The following PKIA variants were observed in gnomAD, a reference collection of about 807,000 sequenced individuals.
PKIA encodes PKI-alpha.
A neutral mutation model predicts 7.6 loss-of-function variants in PKIA; 4 were observed. That is an observed-to-expected ratio of 0.52 (90% CI 0.26 to 1.20). PKIA has a LOEUF of 1.20. Ranked by LOEUF, PKIA falls within the 50% of genes most tolerant of loss-of-function variation. PKIA has a pLI of 0.13. For missense variants in PKIA, 73 were observed against 86.2 expected, an observed-to-expected ratio of 0.85 and a Z score of 0.61; for synonymous variants, 21 against 30.7, an observed-to-expected ratio of 0.68 and a Z score of 1.04.
chr8:78,534,455 TAGA>T (rs1298910410), intron 1 of PKIA: 2 of 152,156 alleles, frequency 1.3e-5, no homozygotes, highest in African/African-American at 4.8e-5. Context: ...TTTGAGAATT[TAGA>T]AGTTTTTTCA....
chr8:78,521,900 C>A (rs1809424204), intron 1 of PKIA, among the ~76,000 whole-genome samples: 1 of 151,886 alleles, frequency 6.6e-6, no homozygotes, highest in African/African-American at 2.4e-5. Context: ...CTATTCTACT[C>A]TCTGTGCCTA....
intron 2 of PKIA, among the ~76,000 whole-genome samples, chr8:78,593,614 A>C (rs948229572): frequency 2.0e-5 from 3 of 152,250 alleles, no homozygotes; most frequent in Admixed American, 6.5e-5. Context: ...ATGGTAATGC[A>C]TATAATGAAA....
intron 3 of PKIA, among the ~76,000 whole-genome samples, chr8:78,599,632 T>G (rs924132050): frequency 2.0e-5 from 3 of 152,050 alleles, no homozygotes; most frequent in Non-Finnish European, 2.9e-5. Flanking sequence ...TAGGTTTCAT[T>G]GTTGTGCTGT....
chr8:78,551,483 CTT>C (rs982029432), intron 1 of PKIA, among the ~76,000 whole-genome samples: 5 of 152,012 alleles, frequency 3.3e-5, no homozygotes, highest in African/African-American at 1.2e-4. Context: ...AGCCATTAGA[CTT>C]TGTTGCTGTA....
At chr8:78,569,606 C>T (rs1006176025) in intron 1 of PKIA, among the ~76,000 whole-genome samples, 1 of 151,814 alleles carries the variant, frequency 6.6e-6, no homozygotes, top group African/African-American at 2.4e-5. Context: ...TGAAAACTAC[C>T]AATTATACCA....
chr8:78,556,272 C>A (rs1014042076), intron 1 of PKIA, among the ~76,000 whole-genome samples: 1 of 152,018 alleles, frequency 6.6e-6, no homozygotes, highest in Non-Finnish European at 1.5e-5. Flanking sequence ...ACAGTCAGAT[C>A]ATTCTTGTTA....
intron 1 of PKIA, among the ~76,000 whole-genome samples, chr8:78,529,989 G>T (rs1806354472): frequency 6.6e-6 from 1 of 151,968 alleles, no homozygotes; most frequent in Non-Finnish European, 1.5e-5. Flanking sequence ...ATTGCTGAGA[G>T]TGTGGTTGAA....
chr8:78,594,435 G>T (rs541453439), intron 2 of PKIA, among the ~76,000 whole-genome samples: 4 of 152,146 alleles, frequency 2.6e-5, no homozygotes, highest in African/African-American at 9.6e-5. Context: ...AATTCAGAAT[G>T]TGTTCTATAG....
intron 2 of PKIA, among the ~76,000 whole-genome samples, chr8:78,579,687 A>G (rs1481508116): frequency 6.6e-6 from 1 of 152,118 alleles, no homozygotes; most frequent in Non-Finnish European, 1.5e-5. Flanking sequence ...CAAAAGTGAT[A>G]GAGCAAAGGT....
rs181825364 is a variant in PKIA at position 78,587,384 on chromosome 8, C to G, written c.-27-10974C>G. Among the ~76,000 whole-genome samples, 6 of 152,286 alleles carry G rather than the reference C, an allele frequency of 3.9e-5. No individual in the cohort carries two copies. In the East Asian group the frequency reaches 1.2e-3, roughly 29 times the overall value. ...CCTGGTCCCCTCTCTGACGTCAGTA[C>G]TGCTGCTGACTGGGTAAGACATTGG... On this transcript the variant is annotated intron_variant, in intron 2 of 3. Coordinates refer to ENST00000396418, the MANE Select transcript of PKIA (RefSeq NM_006823.4).
chr8:78,570,813 T>C (rs1019909027), intron 1 of PKIA, among the ~76,000 whole-genome samples: 6 of 152,156 alleles, frequency 3.9e-5, no homozygotes, highest in Non-Finnish European at 7.4e-5. Flanking sequence ...ATTCTTTTTC[T>C]TTCTACTGTG....
chr8:78,604,234 C>A lies in PKIA; in HGVS notation c.*2413C>A, dbSNP rs1808421287. ...AACTATTCTTACGCTAATGGCTTTGCAGCTCCTATTCTCCCATTTGATCCT... is the reference window on the plus strand; with the variant it reads ...AACTATTCTTACGCTAATGGCTTTGAAGCTCCTATTCTCCCATTTGATCCT... On this transcript the variant is annotated 3_prime_UTR_variant, in exon 4 of 4. Coordinates refer to ENST00000396418, the MANE Select transcript of PKIA (RefSeq NM_006823.4). 1 of 152,098 alleles carries A rather than the reference C, an allele frequency of 6.6e-6. No homozygotes were observed. Among genetic ancestry groups the A allele is most frequent in the African/African-American group, 2.4e-5 (1 of 41,544 alleles). 9.4% of individuals were successfully genotyped at this position (152,098 alleles called of 1,614,324 possible).
At chr8:78,575,119 A>G (rs1017166322) in intron 2 of PKIA, among the ~76,000 whole-genome samples, 2 of 151,998 alleles carry the variant, frequency 1.3e-5, no homozygotes, top group African/African-American at 4.8e-5. Context: ...ACATTATTAT[A>G]TAGTATCTGA....
At chr8:78,596,884 T>C (rs1326615825) in intron 2 of PKIA, among the ~76,000 whole-genome samples, 1 of 152,212 alleles carries the variant, frequency 6.6e-6, no homozygotes, top group African/African-American at 2.4e-5. Flanking sequence ...AAAGGTCCAG[T>C]CTTCAATCTA....
chr8:78,551,927 T>C (rs1806994805), intron 1 of PKIA, among the ~76,000 whole-genome samples: 1 of 152,018 alleles, frequency 6.6e-6, no homozygotes, highest in Non-Finnish European at 1.5e-5. Context: ...GAATGCTGTT[T>C]AACTCCTATT....
rs535844064 is a variant in PKIA at position 78,522,890 on chromosome 8, G to A, written c.-157+6422G>A. On this transcript the variant is annotated intron_variant, in intron 1 of 3. Coordinates refer to ENST00000396418, the MANE Select transcript of PKIA (RefSeq NM_006823.4). The stretch of plus-strand genomic sequence containing the variant: ...TTTTTTTTCTTAGTTTCTCTTTAAT[G>A]TATTATTTTTAGTTTATTCTGAAAT... Among the ~76,000 whole-genome samples, 25 of 151,338 alleles carry A rather than the reference G, an allele frequency of 1.7e-4. 1 individual carries two copies. In the South Asian group the frequency reaches 5.2e-3, roughly 32 times the overall value.
In PKIA at chr8:78,516,355, T is replaced by A. The variant is rs949646369; in HGVS notation, c.-270T>A. 6.6e-6 allele frequency: 1 copy of A among 152,228 alleles called. No homozygotes were observed. The highest frequency in any genetic ancestry group is 2.4e-5 in the African/African-American group (1 of 41,380). The allele number at this position is 152,228 out of a possible 1,614,324, so 9.4% of individuals were successfully genotyped here. A position where few individuals can be genotyped will look rare whatever the true frequency, so the allele number is the denominator to read the frequency against. On this transcript the variant is annotated 5_prime_UTR_variant, in exon 1 of 4. Transcript: ENST00000396418. ...GCTCCGCGGCGGGAGCGGAGGCTGCTGCTGGCAGGTGGGGCGCGGGCCGGC... is the reference window on the plus strand; with the variant it reads ...GCTCCGCGGCGGGAGCGGAGGCTGCAGCTGGCAGGTGGGGCGCGGGCCGGC...
At chr8:78,539,674 G>A (rs1307161717) in intron 1 of PKIA, among the ~76,000 whole-genome samples, 1 of 151,796 alleles carries the variant, frequency 6.6e-6, no homozygotes, top group Non-Finnish European at 1.5e-5. Context: ...AAAAAATGAA[G>A]AATATGTGAT....
chr8:78,545,177 T>G (rs1806791241), intron 1 of PKIA, among the ~76,000 whole-genome samples: 1 of 152,186 alleles, frequency 6.6e-6, no homozygotes, highest in African/African-American at 2.4e-5. Flanking sequence ...AATGATTTTT[T>G]TAAAAATTCA....
Sources: gnomAD v4.1 joint callset for allele counts (sites outside exome capture counted in the v4.1 genomes callset) on GRCh38, gnomAD v4.1.1 for gene constraint, MANE v1.5 for transcripts, NCBI Gene and HGNC (gene_info 2026-07-23, HGNC 2026-07-21) for gene names.